Variants in SLC12A5 observed in about 807,000 individuals in gnomAD.
SLC12A5 encodes K-Cl cotransporter 2.
A neutral mutation model predicts 124.0 loss-of-function variants in SLC12A5; 18 were observed. The observed-to-expected ratio is 0.15, with a 90% CI of 0.10 to 0.22. The LOEUF (loss-of-function observed/expected upper bound fraction) is 0.22. Among genes scored for constraint, SLC12A5 ranks in the 10% least tolerant of loss-of-function variants. The pLI, the probability that SLC12A5 is intolerant of heterozygous loss-of-function variation, is 1.00. For synonymous variants in SLC12A5, 589 were observed against 568.0 expected (o/e 1.04, Z -0.53); for missense variants, 867 against 1,478.7 (o/e 0.59, Z 6.78).
rs2084547857 is a variant in SLC12A5, at chr20:46,041,558, G to A, written c.1066+18G>A. On this transcript the variant is annotated intron_variant, in intron 8 of 25. Coordinates refer to ENST00000243964, the MANE Select transcript of SLC12A5 (RefSeq NM_020708.5). Reference sequence around the variant, plus strand: ...CATCAAAGGTCTGCGGAGGGACAAGGGCTGGCATCCAGGGAACGCTGCAGG... The same window carrying A: ...CATCAAAGGTCTGCGGAGGGACAAGAGCTGGCATCCAGGGAACGCTGCAGG... The A allele has an allele frequency of 1.2e-6, 2 of 1,612,842 alleles. No individual in the cohort carries two copies. The highest frequency in any genetic ancestry group is 1.3e-5 in the African/African-American group (1 of 75,036).
chr20:46,057,631 G>A lies in SLC12A5; in HGVS notation c.*26G>A, dbSNP rs1205867261. 14 of 1,589,404 alleles carry A rather than the reference G, an allele frequency of 8.8e-6. No individual in the cohort carries two copies. In the East Asian group the frequency reaches 2.3e-4, roughly 26 times the overall value. On this transcript the variant is annotated 3_prime_UTR_variant, in exon 26 of 26. Transcript: ENST00000243964. This position sits in a 1 kb window ranked among gnomAD's most constrained non-coding sequence, Gnocchi z 7.1. ...GAACCAGGACCTGCCACCCGGGCCC[G>A]AGCGCGCCCGGCCCGCGGCTCCGGA...
At chr20:46,029,852 A>G (rs1192614922) in intron 1 of SLC12A5, among the ~76,000 whole-genome samples, 9 of 132,454 alleles carry the variant, frequency 6.8e-5, no homozygotes, top group Admixed American at 5.9e-4. Context: ...ATGGGGGAAG[A>G]GGTGGCTGTG....
intron 16 of SLC12A5, 34 bp from the exon 17 acceptor site, chr20:46,049,588 G>T: frequency 5.1e-6 from 8 of 1,577,346 alleles, no homozygotes; most frequent in Non-Finnish European, 6.9e-6. Flanking sequence ...TGGTTACATG[G>T]TATATGGATT....
At position 46,043,676 on chromosome 20, in the gene SLC12A5, C is replaced by T; in HGVS notation, c.1281C>T (p.Ala427=). 3 of 1,614,136 alleles carry T rather than the reference C, an allele frequency of 1.9e-6. No individual in the cohort carries two copies. Among genetic ancestry groups the T allele is most frequent in the Non-Finnish European group, 2.5e-6 (3 of 1,180,028 alleles). Reference sequence around the variant, plus strand: ...ACCGCTCTGGGGACCTGAGGGATGCCCAGAAGTCAATCCCCACTGGCACCA... The same window carrying T: ...ACCGCTCTGGGGACCTGAGGGATGCTCAGAAGTCAATCCCCACTGGCACCA... The part of the protein sequence containing the change: ...GSNRSGDLRD[A]QKSIPTGTIL... Residue 427 remains alanine (A), a synonymous_variant, in exon 10 of 26, where the codon GCC becomes GCT. Coordinates refer to ENST00000243964, the MANE Select transcript of SLC12A5 (RefSeq NM_020708.5).
At chr20:46,023,411 A>G (rs1371623052) in exon 3 of SLC12A5, 1 of 398,638 alleles carries the variant, frequency 2.5e-6, no homozygotes, top group Non-Finnish European at 4.4e-6. Flanking sequence ...CACCTCTGAA[A>G]CTTATCCTGA....
Position 46,041,341 on chromosome 20 carries a change from G to T in SLC12A5, c.867G>T (p.Leu289=). The change falls in exon 8 of 26, where the codon CTG becomes CTT. Residue 289 remains leucine (L), a synonymous_variant. Coordinates refer to ENST00000243964, the MANE Select transcript of SLC12A5 (RefSeq NM_020708.5). ...TTTCTCTCCCTAGGATCTGCCTCCT[G>T]GGTAACCGCACGCTGTCTCGCCATG... The part of the protein sequence containing the change: ...FDPPNFPICL[L]GNRTLSRHGF... 1 of 1,614,066 alleles carries T rather than the reference G, an allele frequency of 6.2e-7. No individual in the cohort carries two copies. The highest frequency in any genetic ancestry group is 8.5e-7 in the Non-Finnish European group (1 of 1,179,976).
chr20:46,047,372 C>T, intron 14 of SLC12A5, 82 bp from the exon 15 acceptor site: 1 of 1,566,582 alleles, frequency 6.4e-7, no homozygotes, highest in Non-Finnish European at 8.7e-7. Flanking sequence ...TGCCCTGCCC[C>T]ATCTCCCTCT....
At chr20:46,031,040 C>T (rs2084445329) in intron 1 of SLC12A5, among the ~76,000 whole-genome samples, 1 of 152,202 alleles carries the variant, frequency 6.6e-6, no homozygotes, top group South Asian at 2.1e-4. Context: ...CCGGGATCCC[C>T]TTCAGATGCC....
chr20:46,024,473 A>G (rs2084380303), upstream of SLC12A5, among the ~76,000 whole-genome samples: 1 of 152,210 alleles, frequency 6.6e-6, no homozygotes, highest in Non-Finnish European at 1.5e-5. Flanking sequence ...ATCTGCTGGT[A>G]TCTTTCCCAT....
rs372113071 is a variant in SLC12A5, at chr20:46,059,310, C to G, written c.*1705C>G. On this transcript the variant is annotated 3_prime_UTR_variant, in exon 26 of 26. Transcript: ENST00000243964. ...AAGGCAGAGCTGGAGCTGGCGCCACCCAGACAGCGTCAGGTGTGGCTGGGG... is the reference window on the plus strand; with the variant it reads ...AAGGCAGAGCTGGAGCTGGCGCCACGCAGACAGCGTCAGGTGTGGCTGGGG... The G allele has an allele frequency of 5.8e-4, 205 of 355,386 alleles. 1 individual carries two copies. Among genetic ancestry groups the G allele is most frequent in the African/African-American group, 3.8e-3 (182 of 47,954 alleles). 22.0% of individuals were successfully genotyped at this position (355,386 alleles called of 1,614,324 possible). A position where few individuals can be genotyped will look rare whatever the true frequency, so the allele number is the denominator to read the frequency against.
rs1256574566 is a variant in SLC12A5, at chr20:46,057,628, C to T, written c.*23C>T. 5 of 1,588,388 alleles carry T rather than the reference C, an allele frequency of 3.1e-6. No homozygotes were observed. Among genetic ancestry groups the T allele is most frequent in the Non-Finnish European group, 4.3e-6 (5 of 1,162,796 alleles). On this transcript the variant is annotated 3_prime_UTR_variant, in exon 26 of 26. Transcript: ENST00000243964. This position sits in a 1 kb window ranked among gnomAD's most constrained non-coding sequence, Gnocchi z 7.1. Reference sequence around the variant, plus strand: ...TGAGAACCAGGACCTGCCACCCGGGCCCGAGCGCGCCCGGCCCGCGGCTCC... The same window carrying T: ...TGAGAACCAGGACCTGCCACCCGGGTCCGAGCGCGCCCGGCCCGCGGCTCC...
At chr20:46,035,660 G>A in intron 3 of SLC12A5, 117 bp from the exon 4 acceptor site, 6 of 1,510,328 alleles carry the variant, frequency 4.0e-6, no homozygotes, top group Non-Finnish European at 5.3e-6. Context: ...GAAGAGGGAT[G>A]AAGGGTTGAG....
chr20:46,058,032 C>A lies in SLC12A5; in HGVS notation c.*427C>A, dbSNP rs994987072. The stretch of plus-strand genomic sequence containing the variant: ...CGCTGCTCCCTGGCTCCCGGCGGCC[C>A]GGAGGCCCGCGGGGTGGGAAGGCCG... On this transcript the variant is annotated 3_prime_UTR_variant, in exon 26 of 26. Transcript: ENST00000243964. The surrounding 1 kb of genome is among the most constrained non-coding windows in gnomAD (Gnocchi z 5.8). The A allele has an allele frequency of 7.4e-5, 13 of 176,826 alleles. No individual in the cohort carries two copies. The highest frequency in any genetic ancestry group is 3.1e-4 in the African/African-American group (13 of 42,368). The allele number at this position is 176,826 out of a possible 1,614,324, so 11.0% of individuals were successfully genotyped here. A position where few individuals can be genotyped will look rare whatever the true frequency, so the allele number is the denominator to read the frequency against.
chr20:46,057,217 A>C lies in SLC12A5; in HGVS notation c.3173A>C (p.Glu1058Ala). 1 of 1,614,202 alleles carries C rather than the reference A, an allele frequency of 6.2e-7. No individual in the cohort carries two copies. Among genetic ancestry groups the C allele is most frequent in the Non-Finnish European group, 8.5e-7 (1 of 1,180,044 alleles). ...ATGCACACGGCCGTGCGGCTGAACGAGGTCATCGTGAAGAAATCCCGGGAC... is the reference window on the plus strand; with the variant it reads ...ATGCACACGGCCGTGCGGCTGAACGCGGTCATCGTGAAGAAATCCCGGGAC... The part of the protein sequence containing the change: ...RRMHTAVRLN[E>A]VIVKKSRDAK... The change falls in exon 25 of 26, where the codon GAG (glutamate) becomes GCG (alanine). Residue 1058 changes from glutamate (E) to alanine (A), a missense_variant. This residue lies in a region of SLC12A5 where 180 missense variants were observed against 243.6 expected (regional missense o/e 0.74). Coordinates refer to ENST00000243964, the MANE Select transcript of SLC12A5 (RefSeq NM_020708.5). The surrounding 1 kb of genome is among the most constrained non-coding windows in gnomAD (Gnocchi z 7.1).
intron 4 of SLC12A5, 147 bp downstream of exon 4, chr20:46,036,070 T>C: frequency 1.0e-6 from 1 of 952,526 alleles, no homozygotes; most frequent in South Asian, 2.0e-5. Flanking sequence ...TAGGCCTGAC[T>C]GGTCCTTCCT....
In SLC12A5 at chr20:46,058,409, T is replaced by C. The variant is rs2084716778; in HGVS notation, c.*804T>C. 2 of 398,826 alleles carry C rather than the reference T, an allele frequency of 5.0e-6. No homozygotes were observed. Among genetic ancestry groups the C allele is most frequent in the Admixed American group, 8.8e-5 (2 of 22,738 alleles). 24.7% of individuals were successfully genotyped at this position (398,826 alleles called of 1,614,324 possible). Reference sequence around the variant, plus strand: ...CCTCCTCTCCAGTCCTTTTCCGAGATGAGGTGAGACAAGGGTCCAACTTTT... The same window carrying C: ...CCTCCTCTCCAGTCCTTTTCCGAGACGAGGTGAGACAAGGGTCCAACTTTT... On this transcript the variant is annotated 3_prime_UTR_variant, in exon 26 of 26. Transcript: ENST00000243964. The surrounding 1 kb of genome is among the most constrained non-coding windows in gnomAD (Gnocchi z 5.8).
rs2084705875 is a variant in SLC12A5 at position 46,057,369 on chromosome 20, G to C, written c.3259+66G>C. ...GTCAGGGAATCTGGGTCCTGTCCCT[G>C]GGATGGAAGAGCTGAGCTGTTCCTG... On this transcript the variant is annotated intron_variant, in intron 25 of 25. Transcript: ENST00000243964. This position sits in a 1 kb window ranked among gnomAD's most constrained non-coding sequence, Gnocchi z 7.1. 1.2e-6 allele frequency: 2 copies of C among 1,611,448 alleles called. No individual in the cohort carries two copies. Among genetic ancestry groups the C allele is most frequent in the Non-Finnish European group, 1.7e-6 (2 of 1,177,648 alleles).
intron 14 of SLC12A5, among the ~76,000 whole-genome samples, chr20:46,046,742 G>A (rs77880116): frequency 0.03 from 4,614 of 152,270 alleles, 163 homozygotes; most frequent in Admixed American, 0.11. Context: ...TTCAAATCAT[G>A]ACTCTGCACT....
chr20:46,032,843 TG>T (rs1450537275), intron 1 of SLC12A5, among the ~76,000 whole-genome samples: 1 of 152,230 alleles, frequency 6.6e-6, no homozygotes, highest in African/African-American at 2.4e-5. Flanking sequence ...TTGTTTCTCC[TG>T]TTCTCTGGCC....
Sources: allele counts gnomAD v4.1 joint callset (sites outside exome capture counted in the v4.1 genomes callset), GRCh38; gene constraint gnomAD v4.1.1; regional missense constraint gnomAD v4.1.1; non-coding constraint Gnocchi (gnomAD v3.1); transcripts MANE v1.5; gene names NCBI Gene and HGNC (gene_info 2026-07-23, HGNC 2026-07-21).